Variants in GCSAM observed in about 807,000 individuals in gnomAD.
GCSAM encodes germinal center-associated signaling and motility protein.
GCSAM carries 8 observed loss-of-function variants against 17.6 expected under a neutral mutation model. The ratio of observed to expected loss-of-function variants is 0.46; its 90% CI spans 0.27 to 0.82. The LOEUF (loss-of-function observed/expected upper bound fraction) is 0.82, where lower values mean the gene tolerates loss of function less well. Ranked by LOEUF, GCSAM falls within the 40% of genes least tolerant of loss-of-function variation. The pLI is 0.15. For synonymous variants in GCSAM, 68 were observed against 69.0 expected, an observed-to-expected ratio of 0.98 and a Z score of 0.07; for missense variants, 192 against 213.5, an observed-to-expected ratio of 0.90 and a Z score of 0.63.
Position 112,123,497 on chromosome 3 carries a change from A to C in GCSAM, c.495T>G (p.Arg165=), listed in dbSNP as rs140163446. 2 of 1,614,036 alleles carry C rather than the reference A, an allele frequency of 1.2e-6. No individual in the cohort carries two copies. Among genetic ancestry groups the C allele is most frequent in the African/African-American group, 2.7e-5 (2 of 74,918 alleles). ...RISSHFLQQP[R]PLMAPSETQF... ...GAGTCTCAGAAGGGGCCATAAGTGG[A>C]CGTGGCTGTTGCAGAAAGTGAGAGG... The change falls in exon 6 of 6, where the codon CGT becomes CGG. Residue 165 remains arginine, a synonymous_variant. Transcript: ENST00000308910.
intron 2 of GCSAM, 66 bp downstream of exon 2, chr3:112,130,379 A>G: frequency 2.3e-6 from 3 of 1,299,540 alleles, no homozygotes; most frequent in Non-Finnish European, 2.2e-6. Flanking sequence ...TGTGAAGTCC[A>G]GGGCTTGACA....
chr3:112,123,710 G>A lies in GCSAM; in HGVS notation c.282C>T (p.Leu94=). ...CAGAGTTCCCTGATGGCCTTGTACA[G>A]AGAACCCGATGATTGATGAGGGTAT... ...LCYTLINHRV[L]CTRPSGNSAE... The change falls in exon 6 of 6, where the codon CTC becomes CTT. Residue 94 remains leucine (L), a synonymous_variant. Transcript: ENST00000308910. 1 of 1,614,138 alleles carries A rather than the reference G, an allele frequency of 6.2e-7. No individual in the cohort carries two copies. The highest frequency in any genetic ancestry group is 8.5e-7 in the Non-Finnish European group (1 of 1,179,976).
intron 1 of GCSAM, among the ~76,000 whole-genome samples, chr3:112,131,902 G>GA (rs1270354704): frequency 6.6e-6 from 1 of 152,088 alleles, no homozygotes; most frequent in African/African-American, 2.4e-5. Context: ...AATAGCATAA[G>GA]ATGTGTGCAC....
chr3:112,130,355 C>T (rs1331564890), intron 2 of GCSAM, 90 bp downstream of exon 2: 4 of 993,618 alleles, frequency 4.0e-6, no homozygotes, highest in Non-Finnish European at 6.5e-6. Flanking sequence ...AAACAGGGCC[C>T]TCTCTCACTG....
At chr3:112,125,359 G>T in intron 4 of GCSAM, 105 bp from the exon 5 acceptor site, 2 of 780,312 alleles carry the variant, frequency 2.6e-6, no homozygotes, top group South Asian at 2.9e-5. Context: ...AGAAACAGCT[G>T]GGGTAGCTCT....
In GCSAM at chr3:112,121,170, T is replaced by C. The variant is rs2074190640; in HGVS notation, c.*2285A>G. 1 of 152,236 alleles carries C rather than the reference T, an allele frequency of 6.6e-6. No homozygotes were observed. The highest frequency in any genetic ancestry group is 2.4e-5 in the African/African-American group (1 of 41,462). 9.4% of individuals were successfully genotyped at this position (152,236 alleles called of 1,614,324 possible). A position where few individuals can be genotyped will look rare whatever the true frequency, so the allele number is the denominator to read the frequency against. ...ATATACTGTTTGGGACAGATAATGC[T>C]TTCACAGGATAAGGTTCAAACAAAT... On this transcript the variant is annotated 3_prime_UTR_variant, in exon 6 of 6. Coordinates refer to ENST00000308910, the MANE Select transcript of GCSAM (RefSeq NM_152785.5).
intron 5 of GCSAM, among the ~76,000 whole-genome samples, chr3:112,124,071 T>C (rs1013732134): frequency 6.6e-6 from 1 of 152,200 alleles, no homozygotes; most frequent in African/African-American, 2.4e-5. Flanking sequence ...GAAATTTTGT[T>C]CCCATTGTTG....
intron 4 of GCSAM, among the ~76,000 whole-genome samples, chr3:112,125,955 C>T (rs2074308421): frequency 6.6e-6 from 1 of 152,198 alleles, no homozygotes; most frequent in Non-Finnish European, 1.5e-5. Context: ...ATTCCATAAA[C>T]AAACATGTGC....
In GCSAM at chr3:112,133,196, C is replaced by G; in HGVS notation, c.-76G>C. 6.6e-7 allele frequency: 1 copy of G among 1,523,594 alleles called. No individual in the cohort carries two copies. The highest frequency in any genetic ancestry group is 9.1e-7 in the Non-Finnish European group (1 of 1,098,254). 94.4% of individuals were successfully genotyped at this position (1,523,594 alleles called of 1,614,324 possible). A position where few individuals can be genotyped will look rare whatever the true frequency, so the allele number is the denominator to read the frequency against. ...TGCCTTGTGCTCTGACAGGGCAACT[C>G]CTGACTTAAAGAAAGGGCTGTGTGG... On this transcript the variant is annotated 5_prime_UTR_variant, in exon 1 of 6. Transcript: ENST00000308910.
In GCSAM at chr3:112,121,320, G is replaced by A. The variant is rs1411174035; in HGVS notation, c.*2135C>T. 1 of 152,178 alleles carries A rather than the reference G, an allele frequency of 6.6e-6. No individual in the cohort carries two copies. Among genetic ancestry groups the A allele is most frequent in the Non-Finnish European group, 1.5e-5 (1 of 68,028 alleles). The allele number at this position is 152,178 out of a possible 1,614,324, so 9.4% of individuals were successfully genotyped here. The stretch of plus-strand genomic sequence containing the variant: ...GTTTCTACCTTGCTGGAGGACTGCT[G>A]GGTGACCCTGAATAGCCAGCTGTAT... On this transcript the variant is annotated 3_prime_UTR_variant, in exon 6 of 6. Coordinates refer to ENST00000308910, the MANE Select transcript of GCSAM (RefSeq NM_152785.5).
rs1466364908 is a variant in GCSAM, at chr3:112,123,539, G to A, written c.453C>T (p.Leu151=). ...AGTGAGAGGAGATTCTGTGAGGCATGAGAAGTTCATATTCATCTTCTGGGG... is the reference window on the plus strand; with the variant it reads ...AGTGAGAGGAGATTCTGTGAGGCATAAGAAGTTCATATTCATCTTCTGGGG... ...ARSPEDEYEL[L]MPHRISSHFL... Residue 151 remains leucine (L), a synonymous_variant, in exon 6 of 6, where the codon CTC becomes CTT. Transcript: ENST00000308910. The A allele has an allele frequency of 1.2e-6, 2 of 1,614,210 alleles. No individual in the cohort carries two copies. The highest frequency in any genetic ancestry group is 1.7e-5 in the Admixed American group (1 of 60,036).
chr3:112,133,048 C>T, intron 1 of GCSAM, 44 bp downstream of exon 1: 1 of 1,593,190 alleles, frequency 6.3e-7, no homozygotes, highest in South Asian at 1.1e-5. Flanking sequence ...GCTGTATTGT[C>T]CTGTCCCATC....
At position 112,133,078 on chromosome 3, in the gene GCSAM, G is replaced by A; in HGVS notation, c.29+14C>T. 3.1e-6 allele frequency: 5 copies of A among 1,612,458 alleles called. No individual in the cohort carries two copies. Among genetic ancestry groups the A allele is most frequent in the Non-Finnish European group, 4.2e-6 (5 of 1,178,532 alleles). ...CCCATCTCCTCTGCTCTCCCACAGG[G>A]AGTCTAGACTTACCTGTTTTCTCTC... On this transcript the variant is annotated intron_variant, in intron 1 of 5. Coordinates refer to ENST00000308910, the MANE Select transcript of GCSAM (RefSeq NM_152785.5).
At chr3:112,128,165 C>T in intron 2 of GCSAM, 104 bp from the exon 3 acceptor site, 1 of 952,194 alleles carries the variant, frequency 1.1e-6, no homozygotes, top group Admixed American at 1.8e-5. Flanking sequence ...TTTTTTCTCC[C>T]CGCAAGCGTG....
At chr3:112,128,633 T>G (rs2074383875) in intron 2 of GCSAM, 1 of 188,618 alleles carries the variant, frequency 5.3e-6, no homozygotes, top group African/African-American at 2.4e-5. Context: ...AAAAAATATT[T>G]GATGAAGATA....
At chr3:112,127,961 TA>T in intron 3 of GCSAM, 55 bp downstream of exon 3, 1 of 1,475,850 alleles carries the variant, frequency 6.8e-7, no homozygotes, top group African/African-American at 1.4e-5. Flanking sequence ...TTACAGCAAA[TA>T]CCACATTGAA....
Position 112,127,006 on chromosome 3 carries a change from C to T in GCSAM, c.171G>A (p.Arg57=). ...PWKKILIFEK[R]QDSQNENERM... ...ACTTACTTTCGTTTTGGGAATCTTG[C>T]CTCTTTTCAAAAATGAGTATTTTTT... The change falls in exon 4 of 6, where the codon AGG becomes AGA. Residue 57 remains arginine (R), a synonymous_variant. Transcript: ENST00000308910. 1 of 1,589,590 alleles carries T rather than the reference C, an allele frequency of 6.3e-7. No individual in the cohort carries two copies.
At chr3:112,125,742 C>T (rs1232755791) in intron 4 of GCSAM, among the ~76,000 whole-genome samples, 2 of 152,212 alleles carry the variant, frequency 1.3e-5, no homozygotes, top group Admixed American at 6.5e-5. Context: ...CTCTAGGTGA[C>T]GGGATGGTGG....
At chr3:112,124,978 G>C (rs894806040) in intron 5 of GCSAM, among the ~76,000 whole-genome samples, 1 of 152,196 alleles carries the variant, frequency 6.6e-6, no homozygotes, top group Non-Finnish European at 1.5e-5. Context: ...AAAGCACTCA[G>C]CATGTTGTCT....
Sources: gnomAD v4.1 joint callset for allele counts (sites outside exome capture counted in the v4.1 genomes callset) on GRCh38, gnomAD v4.1.1 for gene constraint, MANE v1.5 for transcripts, NCBI Gene and HGNC (gene_info 2026-07-23, HGNC 2026-07-21) for gene names.